TMEM106A: variants seen among roughly 807,000 people sequenced by gnomAD.
The protein encoded by TMEM106A is transmembrane protein 106A.
A neutral mutation model predicts 25.1 loss-of-function variants in TMEM106A; 22 were observed. The observed-to-expected ratio is 0.88, with a 90% confidence interval of 0.63 to 1.25. The LOEUF is 1.25. TMEM106A is among the 50% of genes most tolerant of loss of function. The pLI, the probability that TMEM106A is intolerant of heterozygous loss-of-function variation, is 0.00. For synonymous variants in TMEM106A, 104 were observed against 129.9 expected (o/e 0.80, Z 1.35); for missense variants, 275 against 318.1 (o/e 0.86, Z 1.03).
In TMEM106A at chr17:43,218,027, T is replaced by A; in HGVS notation, c.*226T>A. 1.7e-6 allele frequency: 1 copy of A among 591,526 alleles called. No individual in the cohort carries two copies. Among genetic ancestry groups the A allele is most frequent in the Non-Finnish European group, 2.8e-6 (1 of 351,300 alleles). The allele number at this position is 591,526 out of a possible 1,614,324, so 36.6% of individuals were successfully genotyped here. A position where few individuals can be genotyped will look rare whatever the true frequency, so the allele number is the denominator to read the frequency against. On this transcript the variant is annotated 3_prime_UTR_variant, in exon 9 of 9. Coordinates refer to ENST00000612339, the MANE Select transcript of TMEM106A (RefSeq NM_145041.4). ...CCCCAGATTCTTTCAGGGGCTGCCATCAGATTCTGCCCTTGGTTAGTTTTT... is the reference window on the plus strand; with the variant it reads ...CCCCAGATTCTTTCAGGGGCTGCCAACAGATTCTGCCCTTGGTTAGTTTTT...
chr17:43,217,885 A>C lies in TMEM106A; in HGVS notation c.*84A>C. On this transcript the variant is annotated 3_prime_UTR_variant, in exon 9 of 9. Coordinates refer to ENST00000612339, the MANE Select transcript of TMEM106A (RefSeq NM_145041.4). ...TCCCTGGTGACTAAGGAAGGACTAC[A>C]GAGGCTTTGCCAAAGGAGAAGCCCT... 1 of 1,587,692 alleles carries C rather than the reference A, an allele frequency of 6.3e-7. No individual in the cohort carries two copies. The highest frequency in any genetic ancestry group is 1.2e-5 in the South Asian group (1 of 86,368).
rs1039547483 is a variant in TMEM106A at position 43,219,828 on chromosome 17, A to G, written c.*2027A>G. The G allele has an allele frequency of 1.3e-5, 2 of 151,900 alleles. No individual in the cohort carries two copies. Among genetic ancestry groups the G allele is most frequent in the African/African-American group, 4.8e-5 (2 of 41,340 alleles). 9.4% of individuals were successfully genotyped at this position (151,900 alleles called of 1,614,324 possible). On this transcript the variant is annotated 3_prime_UTR_variant, in exon 9 of 9. Coordinates refer to ENST00000612339, the MANE Select transcript of TMEM106A (RefSeq NM_145041.4). ...GAAAGCTAATTTTGAAGTAGGATGC[A>G]TGGAGAGGGAGAAGTGGTGACAGAA...
In TMEM106A at chr17:43,218,934, C is replaced by T. The variant is rs746123891; in HGVS notation, c.*1133C>T. 1 of 152,194 alleles carries T rather than the reference C, an allele frequency of 6.6e-6. No individual in the cohort carries two copies. Among genetic ancestry groups the T allele is most frequent in the Non-Finnish European group, 1.5e-5 (1 of 68,056 alleles). The allele number at this position is 152,194 out of a possible 1,614,324, so 9.4% of individuals were successfully genotyped here. On this transcript the variant is annotated 3_prime_UTR_variant, in exon 9 of 9. Coordinates refer to ENST00000612339, the MANE Select transcript of TMEM106A (RefSeq NM_145041.4). ...GAGTTGTTCTCCAGCTAAAGCGTCT[C>T]CTCTCTATAAAGTAGTTTTACTATT...
At chr17:43,217,198 C>T (rs576596116) in intron 7 of TMEM106A, 61 bp from the exon 8 acceptor site, 2 of 1,571,748 alleles carry the variant, frequency 1.3e-6, no homozygotes, top group African/African-American at 2.7e-5. Context: ...CAGGCATCTT[C>T]TGAGCTGACA....
Position 43,213,197 on chromosome 17 carries a change from T to G in TMEM106A, c.156T>G (p.Ala52=). The change falls in exon 3 of 9, where the codon GCT becomes GCG. Residue 52 remains alanine, a synonymous_variant. Coordinates refer to ENST00000612339, the MANE Select transcript of TMEM106A (RefSeq NM_145041.4). The stretch of plus-strand genomic sequence containing the variant: ...CCTGTGTGCCTTGTGAAGGAACTGC[T>G]GATGCCAGCTTCGTGACTTGTCCCA... ...FCSCVPCEGT[A]DASFVTCPTC... is the part of the protein sequence containing the mutation. The G allele has an allele frequency of 6.2e-7, 1 of 1,614,262 alleles. No homozygotes were observed. Among genetic ancestry groups the G allele is most frequent in the Non-Finnish European group, 8.5e-7 (1 of 1,180,054 alleles).
chr17:43,212,430 T>C (rs1427615300), intron 2 of TMEM106A, 36 bp downstream of exon 2: 3 of 152,782 alleles, frequency 2.0e-5, no homozygotes, highest in African/African-American at 7.2e-5. Context: ...GAAAGATCTG[T>C]GTGGCTCACT....
At chr17:43,216,857 T>TC in intron 7 of TMEM106A, 117 bp downstream of exon 7, 1 of 1,341,716 alleles carries the variant, frequency 7.5e-7, no homozygotes, top group Admixed American at 1.7e-5. Context: ...TGGCCTGCCC[T>TC]CCCATGGCCG....
chr17:43,214,127 G>T, intron 4 of TMEM106A: 4 of 329,292 alleles, frequency 1.2e-5, no homozygotes, highest in East Asian at 5.6e-5. Flanking sequence ...AAGGCAGGCA[G>T]ATTACTTGAG....
chr17:43,217,449 C>T, intron 8 of TMEM106A, 137 bp downstream of exon 8: 1 of 1,302,520 alleles, frequency 7.7e-7, no homozygotes. Context: ...CAAGTCTAGC[C>T]CCTTTTCTGA....
At chr17:43,217,366 C>T in intron 8 of TMEM106A, 54 bp downstream of exon 8, 1 of 1,582,314 alleles carries the variant, frequency 6.3e-7, no homozygotes, top group Non-Finnish European at 8.7e-7. Flanking sequence ...ACTTCATTCT[C>T]ACTCAGCTAC....
chr17:43,216,008 G>C, intron 5 of TMEM106A, 67 bp downstream of exon 5: 1 of 1,591,468 alleles, frequency 6.3e-7, no homozygotes, highest in Non-Finnish European at 8.6e-7. Context: ...TTTGTCCAGT[G>C]TTATGACCCT....
chr17:43,213,693 C>G (rs1188820734), intron 3 of TMEM106A, 135 bp from the exon 4 acceptor site: 4 of 845,478 alleles, frequency 4.7e-6, no homozygotes, highest in Non-Finnish European at 7.5e-6. Flanking sequence ...GCTTCCAGTC[C>G]TGCTCTGGGG....
intron 4 of TMEM106A, among the ~76,000 whole-genome samples, chr17:43,215,249 A>C (rs1161741966): frequency 6.6e-6 from 1 of 152,222 alleles, no homozygotes; most frequent in Non-Finnish European, 1.5e-5. Context: ...TCTCAAAAAA[A>C]AGAAAAAAAA....
intron 7 of TMEM106A, 22 bp downstream of exon 7, chr17:43,216,762 C>T: frequency 6.2e-7 from 1 of 1,614,168 alleles, no homozygotes; most frequent in Non-Finnish European, 8.5e-7. Flanking sequence ...TTGATCTCTT[C>T]TCCCCTAGCC....
In TMEM106A at chr17:43,212,228, A is replaced by C; in HGVS notation, c.-188A>C. ...AGTGCGGCACATTCGTTCCCCTAGG[A>C]CTCCGGCCGGTTGCCGGCCCCAGGC... On this transcript the variant is annotated splice_region_variant and 5_prime_UTR_variant, in exon 2 of 9. Transcript: ENST00000612339. The C allele has an allele frequency of 6.6e-6, 1 of 151,658 alleles. No individual in the cohort carries two copies. The highest frequency in any genetic ancestry group is 2.4e-5 in the African/African-American group (1 of 41,090). 9.4% of individuals were successfully genotyped at this position (151,658 alleles called of 1,614,324 possible). A position where few individuals can be genotyped will look rare whatever the true frequency, so the allele number is the denominator to read the frequency against.
chr17:43,217,466 C>T (rs1345331512), intron 8 of TMEM106A, among the ~76,000 whole-genome samples, 154 bp downstream of exon 8: 1 of 152,182 alleles, frequency 6.6e-6, no homozygotes, highest in Non-Finnish European at 1.5e-5. Flanking sequence ...CTGAGTCTCA[C>T]CTTGCCTATA....
At chr17:43,217,208 A>G (rs756630239) in intron 7 of TMEM106A, 51 bp from the exon 8 acceptor site, 3 of 1,591,228 alleles carry the variant, frequency 1.9e-6, no homozygotes, top group Non-Finnish European at 2.6e-6. Flanking sequence ...CTGAGCTGAC[A>G]GGCTGCTCCA....
intron 5 of TMEM106A, 90 bp downstream of exon 5, chr17:43,216,031 C>A: frequency 1.3e-6 from 2 of 1,526,018 alleles, no homozygotes; most frequent in Admixed American, 1.9e-5. Flanking sequence ...GCATGGGAAG[C>A]CAGAGATCTT....
intron 8 of TMEM106A, 87 bp from the exon 9 acceptor site, chr17:43,217,594 C>T: frequency 6.4e-7 from 1 of 1,552,522 alleles, no homozygotes; most frequent in South Asian, 1.2e-5. Flanking sequence ...TGAGGGAGCT[C>T]CCCGCTCCCC....
Sources: gnomAD v4.1 joint callset for allele counts (sites outside exome capture counted in the v4.1 genomes callset) on GRCh38, gnomAD v4.1.1 for gene constraint, MANE v1.5 for transcripts, NCBI Gene and HGNC (gene_info 2026-07-23, HGNC 2026-07-21) for gene names.